The following SNTG1 variants were observed in gnomAD, a reference collection of about 807,000 sequenced individuals.
SNTG1 encodes gamma-1-syntrophin.
In SNTG1, 39 loss-of-function variants were observed where a neutral mutation model predicts 74.7. The ratio of observed to expected loss-of-function variants is 0.52; its 90% CI spans 0.40 to 0.68. The LOEUF is 0.68. SNTG1 is among the 30% of genes least tolerant of loss of function. The pLI is 0.00. For synonymous variants in SNTG1, 254 were observed against 217.1 expected (o/e 1.17, Z -1.49); for missense variants, 685 against 609.5 (o/e 1.12, Z -1.30).
intron 2 of SNTG1, chr8:50,286,512 C>T (rs545669967): frequency 6.6e-6 from 1 of 152,278 alleles, no homozygotes; most frequent in East Asian, 1.9e-4. Context: ...ATAGTAACCA[C>T]ATTTTTCTCT....
intron 18 of SNTG1, among the ~76,000 whole-genome samples, chr8:50,755,767 T>C (rs2095578809): frequency 6.6e-6 from 1 of 151,910 alleles, no homozygotes; most frequent in Non-Finnish European, 1.5e-5. Flanking sequence ...CCAGTAACTG[T>C]TGTTGTCCAT....
At chr8:50,008,915 T>C (rs1474754864) in intron 1 of SNTG1, among the ~76,000 whole-genome samples, 1 of 152,212 alleles carries the variant, frequency 6.6e-6, no homozygotes, top group Non-Finnish European at 1.5e-5. Context: ...TCTTGACATT[T>C]TTGCCCAACA....
intron 2 of SNTG1, among the ~76,000 whole-genome samples, chr8:50,328,291 C>A (rs1437200440): frequency 6.6e-6 from 1 of 152,128 alleles, no homozygotes; most frequent in Non-Finnish European, 1.5e-5. Flanking sequence ...GATAATTTTG[C>A]AAGATTCAGA....
chr8:50,558,199 C>T (rs2094467318), intron 12 of SNTG1, among the ~76,000 whole-genome samples: 1 of 152,168 alleles, frequency 6.6e-6, no homozygotes, highest in Non-Finnish European at 1.5e-5. Context: ...TGGATTTTCT[C>T]TCTGAGTTTC....
At chr8:50,205,828 C>A (rs1367397861) in intron 2 of SNTG1, among the ~76,000 whole-genome samples, 2 of 152,176 alleles carry the variant, frequency 1.3e-5, no homozygotes, top group Non-Finnish European at 2.9e-5. Flanking sequence ...GTAGGGAATC[C>A]TTTCCCCATT....
At chr8:50,425,998 T>C (rs749675355) in intron 4 of SNTG1, among the ~76,000 whole-genome samples, 187 of 152,204 alleles carry the variant, frequency 1.2e-3, no homozygotes, top group Non-Finnish European at 1.7e-3. Context: ...ATGTGCTTTA[T>C]TATTTAGGAC....
At chr8:50,096,734 TTGTC>T (rs970960318) in intron 1 of SNTG1, among the ~76,000 whole-genome samples, 5 of 152,124 alleles carry the variant, frequency 3.3e-5, no homozygotes, top group African/African-American at 1.2e-4. Context: ...TCATGTAAGT[TTGTC>T]TTTGTTTTTA....
chr8:49,999,043 A>G (rs1269154991), intron 1 of SNTG1, among the ~76,000 whole-genome samples: 1 of 152,168 alleles, frequency 6.6e-6, no homozygotes, highest in South Asian at 2.1e-4. Flanking sequence ...GGCGAATGGA[A>G]GTGTTCAACT....
chr8:50,448,039 T>C (rs1471577), intron 5 of SNTG1, among the ~76,000 whole-genome samples: 130,540 of 151,748 alleles, frequency 0.86, 56,280 homozygotes, highest in Non-Finnish European at 0.89. Flanking sequence ...ACTATCTCTG[T>C]TCAGGTCAGA....
rs574074757 is a variant in SNTG1 at position 50,257,571 on chromosome 8, C to T, written c.-28+84936C>T. ...GTTAAGAGGGGGTAAAATGGTAGAC[C>T]AGCTACAAGTTTAACACATTTGTGC... On this transcript the variant is annotated intron_variant, in intron 2 of 18. Coordinates refer to ENST00000642720, the MANE Select transcript of SNTG1 (RefSeq NM_018967.5). Among the ~76,000 whole-genome samples, 10 of 152,234 alleles carry T rather than the reference C, an allele frequency of 6.6e-5. 1 individual carries two copies. The highest frequency in any genetic ancestry group is 2.2e-4 in the African/African-American group (9 of 41,546).
intron 4 of SNTG1, among the ~76,000 whole-genome samples, chr8:50,425,572 A>G (rs925176327): frequency 1.3e-5 from 2 of 152,182 alleles, no homozygotes; most frequent in African/African-American, 4.8e-5. Flanking sequence ...TAATAATAAT[A>G]GAAATAAAGT....
Position 50,296,169 on chromosome 8 carries a change from A to T in SNTG1, c.-27-98043A>T, listed in dbSNP as rs185526954. Among the ~76,000 whole-genome samples, 410 of 152,262 alleles carry T rather than the reference A, an allele frequency of 2.7e-3. 4 individuals carry two copies. The highest frequency in any genetic ancestry group is 1.2e-3 in the East Asian group (6 of 5,170). ...TAATGGAAAGACTGTGTTGCAGGCTACAATTGAAAAAACAAAACAGTGAAA... is the reference window on the plus strand; with the variant it reads ...TAATGGAAAGACTGTGTTGCAGGCTTCAATTGAAAAAACAAAACAGTGAAA... On this transcript the variant is annotated intron_variant, in intron 2 of 18. Coordinates refer to ENST00000642720, the MANE Select transcript of SNTG1 (RefSeq NM_018967.5).
At chr8:50,748,969 T>C (rs2095561211) in intron 17 of SNTG1, among the ~76,000 whole-genome samples, 1 of 152,016 alleles carries the variant, frequency 6.6e-6, no homozygotes, top group South Asian at 2.1e-4. Context: ...AATGAAAGAC[T>C]CACATGCCTC....
At chr8:50,675,603 CTT>C (rs1489960736) in intron 15 of SNTG1, among the ~76,000 whole-genome samples, 2 of 151,944 alleles carry the variant, frequency 1.3e-5, no homozygotes, top group African/African-American at 4.8e-5. Flanking sequence ...GGTCTTGACT[CTT>C]TATCCAATTT....
At chr8:50,714,537 T>A (rs1427327183) in intron 17 of SNTG1, among the ~76,000 whole-genome samples, 1 of 152,132 alleles carries the variant, frequency 6.6e-6, no homozygotes, top group Non-Finnish European at 1.5e-5. Context: ...CAGAATCAGA[T>A]TTCAGATTTT....
At chr8:49,973,411 T>C (rs1289287181) in intron 1 of SNTG1, among the ~76,000 whole-genome samples, 1 of 151,808 alleles carries the variant, frequency 6.6e-6, no homozygotes, top group Non-Finnish European at 1.5e-5. Context: ...ATACCTAATG[T>C]TAAATGACGA....
At chr8:50,065,568 A>C (rs1231647043) in intron 1 of SNTG1, among the ~76,000 whole-genome samples, 1 of 152,124 alleles carries the variant, frequency 6.6e-6, no homozygotes, top group Non-Finnish European at 1.5e-5. Context: ...CTTTTATTGC[A>C]TCTTATAGAA....
In SNTG1 at chr8:50,237,183, T is replaced by G. The variant is rs549935932; in HGVS notation, c.-28+64548T>G. Among the ~76,000 whole-genome samples, 155 of 152,308 alleles carry G rather than the reference T, an allele frequency of 1.0e-3. 2 individuals are homozygous for G. Among genetic ancestry groups the G allele is most frequent in the African/African-American group, 3.5e-3 (145 of 41,572 alleles). On this transcript the variant is annotated intron_variant, in intron 2 of 18. Coordinates refer to ENST00000642720, the MANE Select transcript of SNTG1 (RefSeq NM_018967.5). Reference sequence around the variant, plus strand: ...CATTTCTTGAAAGAACCAGAAACTTTGTCTGATAGTGTTTCTCACAGTCAG... The same window carrying G: ...CATTTCTTGAAAGAACCAGAAACTTGGTCTGATAGTGTTTCTCACAGTCAG...
chr8:50,546,384 TTA>T (rs1554569908), intron 11 of SNTG1, among the ~76,000 whole-genome samples: 4 of 139,494 alleles, frequency 2.9e-5, no homozygotes, highest in African/African-American at 8.6e-5. Context: ...GAAGACTTTT[TTA>T]TTATTATTAT....
Sources: allele counts gnomAD v4.1 joint callset (sites outside exome capture counted in the v4.1 genomes callset), GRCh38; gene constraint gnomAD v4.1.1; transcripts MANE v1.5; gene names NCBI Gene and HGNC (gene_info 2026-07-23, HGNC 2026-07-21).